Variants in TSPAN5 observed in about 807,000 individuals in gnomAD.
TSPAN5 encodes the protein tetraspanin 5.
In TSPAN5, 10 loss-of-function variants were observed where a neutral mutation model predicts 37.1. That is an observed-to-expected ratio of 0.27 (90% CI 0.17 to 0.46). The LOEUF (loss-of-function observed/expected upper bound fraction) is 0.46, where lower values mean the gene tolerates loss of function less well. Ranked by LOEUF, TSPAN5 falls within the 20% of genes least tolerant of loss-of-function variation. The pLI, the probability that TSPAN5 is intolerant of heterozygous loss-of-function variation, is 1.00. For missense variants in TSPAN5, 195 were observed against 326.6 expected, an observed-to-expected ratio of 0.60 and a Z score of 3.11; for synonymous variants, 110 against 118.9, an observed-to-expected ratio of 0.93 and a Z score of 0.48.
intron 1 of TSPAN5, among the ~76,000 whole-genome samples, chr4:98,556,041 C>CT (rs1754741720): frequency 9.8e-6 from 1 of 101,630 alleles, no homozygotes; most frequent in Non-Finnish European, 1.9e-5. Context: ...CACAGCACCC[C>CT]CACACACACA....
At chr4:98,526,020 C>T (rs541977435) in intron 1 of TSPAN5, among the ~76,000 whole-genome samples, 45 of 152,254 alleles carry the variant, frequency 3.0e-4, no homozygotes, top group African/African-American at 1.1e-3. Flanking sequence ...CTACAGATCA[C>T]CGTGTACATA....
At chr4:98,520,748 A>G (rs774361046) in intron 1 of TSPAN5, among the ~76,000 whole-genome samples, 8 of 152,244 alleles carry the variant, frequency 5.3e-5, no homozygotes, top group Non-Finnish European at 1.0e-4. Flanking sequence ...ATAAATTAAA[A>G]TACCACCTTT....
At chr4:98,495,420 G>A (rs570461466) in intron 2 of TSPAN5, among the ~76,000 whole-genome samples, 142 of 152,000 alleles carry the variant, frequency 9.3e-4, no homozygotes, top group Non-Finnish European at 1.5e-3. Context: ...AGCTACTCGG[G>A]AGGCTGAGGC....
At chr4:98,629,564 C>T (rs1055342126) in intron 1 of TSPAN5, among the ~76,000 whole-genome samples, 2 of 152,156 alleles carry the variant, frequency 1.3e-5, no homozygotes, top group African/African-American at 4.8e-5. Context: ...AAGCACACTC[C>T]AGTATTATTA....
chr4:98,605,135 C>G (rs1755975652), intron 1 of TSPAN5, among the ~76,000 whole-genome samples: 1 of 152,116 alleles, frequency 6.6e-6, no homozygotes, highest in Non-Finnish European at 1.5e-5. Flanking sequence ...TCTCTTTTCT[C>G]TTTTTTGTTG....
intron 1 of TSPAN5, among the ~76,000 whole-genome samples, chr4:98,628,146 C>T (rs1282704009): frequency 6.6e-6 from 1 of 152,128 alleles, no homozygotes; most frequent in African/African-American, 2.4e-5. Flanking sequence ...ATTTTAAACA[C>T]AAAAGTACAA....
At chr4:98,624,723 A>G (rs1412114168) in intron 1 of TSPAN5, among the ~76,000 whole-genome samples, 1 of 152,226 alleles carries the variant, frequency 6.6e-6, no homozygotes, top group African/African-American at 2.4e-5. Context: ...AACTTACATT[A>G]ATTAGTAGTT....
intron 1 of TSPAN5, among the ~76,000 whole-genome samples, chr4:98,646,770 T>C (rs957724323): frequency 7.9e-5 from 12 of 152,114 alleles, no homozygotes; most frequent in Non-Finnish European, 1.5e-5. Context: ...AAATATATGT[T>C]ACAATGTAAG....
At chr4:98,595,251 T>C (rs1361442783) in intron 1 of TSPAN5, among the ~76,000 whole-genome samples, 3 of 105,438 alleles carry the variant, frequency 2.8e-5, no homozygotes, top group South Asian at 6.7e-4. Flanking sequence ...TATTCTCTGA[T>C]GGTAGTTTGT....
intron 1 of TSPAN5, among the ~76,000 whole-genome samples, chr4:98,615,267 A>G (rs187259135): frequency 7.8e-4 from 119 of 152,336 alleles, no homozygotes; most frequent in African/African-American, 2.7e-3. Flanking sequence ...ACAACTGGAC[A>G]GGCTGCCCCT....
intron 1 of TSPAN5, among the ~76,000 whole-genome samples, chr4:98,583,044 C>A (rs944287865): frequency 2.0e-5 from 3 of 152,192 alleles, no homozygotes; most frequent in African/African-American, 7.2e-5. Context: ...TTTATCCATA[C>A]ATCACTCACC....
chr4:98,636,372 A>G (rs1215308904), intron 1 of TSPAN5, among the ~76,000 whole-genome samples: 1 of 152,220 alleles, frequency 6.6e-6, no homozygotes, highest in African/African-American at 2.4e-5. Context: ...TATGGATGAG[A>G]AAATATGAGA....
chr4:98,476,278 T>C lies in TSPAN5; in HGVS notation c.652A>G (p.Thr218Ala). The change falls in exon 7 of 8, where the codon ACG (threonine) becomes GCG (alanine). Residue 218 changes from threonine to alanine, a missense_variant. Physicochemically the swap from Thr to Ala is moderately conservative, Grantham distance 58. Transcript: ENST00000305798. ...TCAAACTGGGGCACACAGCCTTTCG[T>C]GTAGATTACAATCTGCTGGTCAACT... ...PEVDQQIVIY[T>A]KGCVPQFEKW... The C allele has an allele frequency of 6.2e-7, 1 of 1,614,238 alleles. No homozygotes were observed. The highest frequency in any genetic ancestry group is 8.5e-7 in the Non-Finnish European group (1 of 1,180,046).
At chr4:98,486,389 C>T (rs1290330272) in intron 3 of TSPAN5, among the ~76,000 whole-genome samples, 1 of 152,194 alleles carries the variant, frequency 6.6e-6, no homozygotes, top group African/African-American at 2.4e-5. Context: ...CAGCTCCCCA[C>T]TTACTATGTG....
intron 1 of TSPAN5, among the ~76,000 whole-genome samples, chr4:98,598,269 G>T: frequency 7.0e-6 from 1 of 142,346 alleles, no homozygotes; most frequent in African/African-American, 2.7e-5. Flanking sequence ...CTTCCCAGGT[G>T]AGGCAATGCC....
At chr4:98,634,918 G>T (rs1756822683) in intron 1 of TSPAN5, among the ~76,000 whole-genome samples, 2 of 152,196 alleles carry the variant, frequency 1.3e-5, no homozygotes, top group East Asian at 3.8e-4. Flanking sequence ...TCACAGAAGT[G>T]GGGACCCTAT....
intron 1 of TSPAN5, among the ~76,000 whole-genome samples, chr4:98,549,052 C>T (rs1216282601): frequency 6.6e-6 from 1 of 152,044 alleles, no homozygotes; most frequent in African/African-American, 2.4e-5. Context: ...ATTCCTTTTC[C>T]TTTGGTTAGA....
At position 98,658,159 on chromosome 4, in the gene TSPAN5, T is replaced by C. The variant is rs762584258; in HGVS notation, c.68A>G (p.Asn23Ser). 17 of 1,613,836 alleles carry C rather than the reference T, an allele frequency of 1.1e-5. No homozygotes were observed. Among genetic ancestry groups the C allele is most frequent in the African/African-American group, 1.3e-5 (1 of 74,902 alleles). Reference sequence around the variant, plus strand: ...GCTCCAACTTACCCAAAATATGACATTGAAGCCAAATATGAAGTATTTGAT... The same window carrying C: ...GCTCCAACTTACCCAAAATATGACACTGAAGCCAAATATGAAGTATTTGAT... ...CCIKYFIFGF[N>S]VIFWFLGITF... Residue 23 changes from asparagine (N) to serine (S), a missense_variant, in exon 1 of 8, where the codon AAT becomes AGT. Coordinates refer to ENST00000305798, the MANE Select transcript of TSPAN5 (RefSeq NM_005723.4).
intron 1 of TSPAN5, among the ~76,000 whole-genome samples, chr4:98,569,998 G>C (rs1440826462): frequency 1.3e-5 from 2 of 152,116 alleles, no homozygotes; most frequent in African/African-American, 2.4e-5. Context: ...AAATATAGTA[G>C]GTTCTATGAT....
Sources: allele counts gnomAD v4.1 joint callset (sites outside exome capture counted in the v4.1 genomes callset), GRCh38; gene constraint gnomAD v4.1.1; transcripts MANE v1.5; gene names NCBI Gene and HGNC (gene_info 2026-07-23, HGNC 2026-07-21).